The following TTC12 variants were observed in gnomAD, a reference collection of about 807,000 sequenced individuals.
The protein encoded by TTC12 is tetratricopeptide repeat protein 12.
A neutral mutation model predicts 90.1 loss-of-function variants in TTC12; 70 were observed. The observed-to-expected ratio is 0.78, with a 90% confidence interval of 0.64 to 0.95. TTC12 has a LOEUF of 0.95. TTC12 is among the 40% of genes least tolerant of loss of function. TTC12 has a pLI of 0.00. For synonymous variants in TTC12, 296 were observed against 311.5 expected (o/e 0.95, Z 0.53); for missense variants, 819 against 846.1 (o/e 0.97, Z 0.40).
downstream of TTC12, chr11:113,366,536 G>A (rs753419429): frequency 1.5e-6 from 1 of 646,300 alleles, no homozygotes; most frequent in Non-Finnish European, 2.4e-6. Context: ...GTTCTTTCCT[G>A]TTCTGTAGAA....
At chr11:113,340,955 C>T (rs370256652) in intron 11 of TTC12, among the ~76,000 whole-genome samples, 2 of 152,182 alleles carry the variant, frequency 1.3e-5, no homozygotes, top group African/African-American at 2.4e-5. Context: ...TGAGGCTGGG[C>T]GCGGTGGCTC....
In TTC12 at chr11:113,359,414, C is replaced by A. The variant is rs1555153803; in HGVS notation, c.1498C>A (p.Leu500Met). The change falls in exon 17 of 22, where the codon CTG becomes ATG. Residue 500 changes from leucine (L) to methionine (M), a missense_variant. Leu to Met is a conservative substitution (Grantham distance 15). Transcript: ENST00000529221. ...DLFREVIYTL[L>M]GLMMNLCLQA... ...GTTCAGAGAGGTTATCTACACACTC[C>A]TGGGACTCATGATGAACCTGTGTCT... 6.2e-7 allele frequency: 1 copy of A among 1,613,782 alleles called. No individual in the cohort carries two copies. Among genetic ancestry groups the A allele is most frequent in the Non-Finnish European group, 8.5e-7 (1 of 1,179,690 alleles).
intron 2 of TTC12, among the ~76,000 whole-genome samples, chr11:113,319,383 T>C (rs1168742251): frequency 2.6e-5 from 4 of 151,882 alleles, no homozygotes; most frequent in African/African-American, 9.7e-5. Flanking sequence ...GATGGGATCC[T>C]GGAATAGGAA....
chr11:113,317,495 C>A lies in TTC12; in HGVS notation c.58+1180C>A, dbSNP rs558451547. Among the ~76,000 whole-genome samples, 24 of 152,278 alleles carry A rather than the reference C, an allele frequency of 1.6e-4. No individual in the cohort carries two copies. In the South Asian group the frequency reaches 4.8e-3, roughly 30 times the overall value. On this transcript the variant is annotated intron_variant, in intron 2 of 21. Coordinates refer to ENST00000529221, the MANE Select transcript of TTC12 (RefSeq NM_017868.4). ...CTCCAGCCCTCCCTTTGTTCTGGTT[C>A]TTCTCACCCAGACTATGTCAACAAC...
chr11:113,372,445 G>T (rs1002654828), intron 21 of TTC12, among the ~76,000 whole-genome samples: 1 of 152,138 alleles, frequency 6.6e-6, no homozygotes, highest in African/African-American at 2.4e-5. Flanking sequence ...AAGATAAAGG[G>T]CAAACTCATT....
chr11:113,325,059 G>T (rs1318894342), intron 5 of TTC12, among the ~76,000 whole-genome samples: 1 of 152,144 alleles, frequency 6.6e-6, no homozygotes, highest in Non-Finnish European at 1.5e-5. Flanking sequence ...TGAGATAGGA[G>T]AGGAGACATC....
Position 113,339,379 on chromosome 11 carries a change from C to T in TTC12, c.731C>T (p.Thr244Ile), listed in dbSNP as rs1948557214. The T allele has an allele frequency of 8.1e-6, 13 of 1,614,008 alleles. No individual in the cohort carries two copies. Among genetic ancestry groups the T allele is most frequent in the East Asian group, 4.5e-5 (2 of 44,874 alleles). Residue 244 changes from threonine to isoleucine, a missense_variant, in exon 10 of 22, where the codon ACC becomes ATC. Physicochemically the swap from Thr to Ile is moderately conservative, Grantham distance 89. Coordinates refer to ENST00000529221, the MANE Select transcript of TTC12 (RefSeq NM_017868.4). ...GATTCAGGAAAGAACACAGCCGTGACCACCAAGAACCTCCTGGAGACCCTT... is the reference window on the plus strand; with the variant it reads ...GATTCAGGAAAGAACACAGCCGTGATCACCAAGAACCTCCTGGAGACCCTT... ...LLDSGKNTAV[T>I]TKNLLETLSK...
At chr11:113,335,088 C>T in intron 8 of TTC12, 51 bp downstream of exon 8, 1 of 1,306,138 alleles carries the variant, frequency 7.7e-7, no homozygotes, top group Non-Finnish European at 1.1e-6. Flanking sequence ...GACTGATGCT[C>T]CCAGTTGTGC....
intron 12 of TTC12, among the ~76,000 whole-genome samples, chr11:113,343,343 C>T (rs539957005): frequency 2.9e-4 from 44 of 152,306 alleles, no homozygotes; most frequent in African/African-American, 1.0e-3. Flanking sequence ...ATATAATCAA[C>T]AAGGACCTTT....
chr11:113,346,398 G>C (rs890153428), intron 13 of TTC12, among the ~76,000 whole-genome samples: 6 of 152,074 alleles, frequency 3.9e-5, no homozygotes, highest in Non-Finnish European at 8.8e-5. Context: ...AATAAAGCCT[G>C]GCTTGTTTTG....
intron 12 of TTC12, among the ~76,000 whole-genome samples, chr11:113,343,289 T>G (rs1276687679): frequency 6.6e-6 from 1 of 152,224 alleles, no homozygotes; most frequent in Admixed American, 6.5e-5. Context: ...CTGTGTTGTT[T>G]GAATTATTTA....
At chr11:113,368,498 G>T (rs765664267), downstream of TTC12, 96 of 1,550,296 alleles carry the variant, frequency 6.2e-5, no homozygotes, top group East Asian at 2.2e-3. Context: ...AAGCAGAGGA[G>T]CTGGGATTTT....
At chr11:113,363,692 C>A in intron 19 of TTC12, 136 bp from the exon 20 acceptor site, 1 of 628,708 alleles carries the variant, frequency 1.6e-6, no homozygotes, top group Non-Finnish European at 2.8e-6. Flanking sequence ...CACCAGGAAG[C>A]ACATGCCGTT....
intron 7 of TTC12, 154 bp from the exon 8 acceptor site, chr11:113,334,812 G>C: frequency 1.7e-6 from 1 of 576,564 alleles, no homozygotes; most frequent in Non-Finnish European, 3.1e-6. Flanking sequence ...GCATCAATTA[G>C]TTTGGTCACA....
intron 21 of TTC12, chr11:113,365,334 A>G (rs958460158): frequency 7.4e-5 from 32 of 434,924 alleles, no homozygotes; most frequent in Non-Finnish European, 1.0e-4. Flanking sequence ...TCTCCATTCC[A>G]TTCTCCACTG....
At position 113,362,515 on chromosome 11, in the gene TTC12, T is replaced by G. The variant is rs782791925; in HGVS notation, c.1716+13T>G. ...GAAATTCCTGAAGGTAAGATCACTTTATTGGTTACAACCCCTGAAATGTAC... is the reference window on the plus strand; with the variant it reads ...GAAATTCCTGAAGGTAAGATCACTTGATTGGTTACAACCCCTGAAATGTAC... On this transcript the variant is annotated intron_variant, in intron 19 of 21. Coordinates refer to ENST00000529221, the MANE Select transcript of TTC12 (RefSeq NM_017868.4). 1.3e-6 allele frequency: 2 copies of G among 1,549,208 alleles called. No individual in the cohort carries two copies. The highest frequency in any genetic ancestry group is 1.8e-6 in the Non-Finnish European group (2 of 1,120,930).
In TTC12 at chr11:113,372,344, C is replaced by T. The variant is rs75421938; in HGVS notation, c.*121-780C>T. Among the ~76,000 whole-genome samples, 651 of 152,320 alleles carry T rather than the reference C, an allele frequency of 4.3e-3. 6 individuals are homozygous for T. Among genetic ancestry groups the T allele is most frequent in the African/African-American group, 0.015 (624 of 41,574 alleles). ...TCCCCATCTCACTCCACCTTCTAAG[C>T]CATCATGCACACTGCAGCCAGGAGA... On this transcript the variant is annotated intron_variant, in intron 21 of 21. Coordinates refer to the TTC12 transcript ENST00000314756.
At chr11:113,341,808 T>C (rs1171535738) in intron 11 of TTC12, 29 bp from the exon 12 acceptor site, 5 of 1,558,238 alleles carry the variant, frequency 3.2e-6, no homozygotes, top group African/African-American at 1.4e-5. Context: ...TTTCAGACTT[T>C]TAAGATAGCT....
chr11:113,345,576 A>T (rs1342507719), intron 13 of TTC12, among the ~76,000 whole-genome samples: 1 of 152,138 alleles, frequency 6.6e-6, no homozygotes. Flanking sequence ...CCGTGACAGG[A>T]TGGTTATTAA....
Sources: gnomAD v4.1 joint callset for allele counts (sites outside exome capture counted in the v4.1 genomes callset) on GRCh38, gnomAD v4.1.1 for gene constraint, MANE v1.5 for transcripts, NCBI Gene and HGNC (gene_info 2026-07-23, HGNC 2026-07-21) for gene names.